Variants in TVP23B observed in about 807,000 individuals in gnomAD.
TVP23B encodes Golgi apparatus membrane protein TVP23 homolog B.
In TVP23B, 10 loss-of-function variants were observed where a neutral mutation model predicts 30.6. The ratio of observed to expected loss-of-function variants is 0.33; its 90% CI spans 0.20 to 0.55. TVP23B has a LOEUF of 0.55. TVP23B is among the 20% of genes least tolerant of loss of function. The pLI is 0.91. For missense variants in TVP23B, 153 were observed against 243.2 expected (o/e 0.63, Z 2.47); for synonymous variants, 67 against 83.1 (o/e 0.81, Z 1.06).
intron 2 of TVP23B, among the ~76,000 whole-genome samples, chr17:18,790,463 CAAAA>C (rs1465361992): frequency 4.1e-5 from 1 of 24,586 alleles, no homozygotes; most frequent in Non-Finnish European, 8.0e-5. Flanking sequence ...GACTCCGTCT[CAAAA>C]AAAAAAAAAA....
chr17:18,783,600 C>T (rs965492801), intron 1 of TVP23B, among the ~76,000 whole-genome samples: 3 of 152,144 alleles, frequency 2.0e-5, no homozygotes, highest in African/African-American at 7.2e-5. Flanking sequence ...AAATGGAAGC[C>T]GTCGGAAGAC....
intron 1 of TVP23B, among the ~76,000 whole-genome samples, chr17:18,784,449 AT>A (rs1403491670): frequency 6.6e-6 from 1 of 152,122 alleles, no homozygotes; most frequent in Non-Finnish European, 1.5e-5. Context: ...GATGGAGACC[AT>A]CCTGGCCAAC....
chr17:18,797,910 G>A (rs1437337447), intron 4 of TVP23B, among the ~76,000 whole-genome samples: 3 of 152,046 alleles, frequency 2.0e-5, no homozygotes, highest in Non-Finnish European at 4.4e-5. Flanking sequence ...TTCATACAGT[G>A]TGCTAAGCTG....
chr17:18,793,745 A>G (rs1288906123), intron 3 of TVP23B, among the ~76,000 whole-genome samples: 2 of 152,076 alleles, frequency 1.3e-5, no homozygotes, highest in Non-Finnish European at 2.9e-5. Flanking sequence ...TTAAATCAGA[A>G]AGTACATGTA....
chr17:18,786,607 A>G (rs1462808817), intron 1 of TVP23B, among the ~76,000 whole-genome samples: 1 of 152,240 alleles, frequency 6.6e-6, no homozygotes, highest in Admixed American at 6.5e-5. Context: ...CAAAGCAATT[A>G]TATCTGAACC....
intron 3 of TVP23B, among the ~76,000 whole-genome samples, chr17:18,792,336 A>G (rs905901604): frequency 6.6e-5 from 10 of 152,140 alleles, no homozygotes; most frequent in Admixed American, 6.6e-4. Flanking sequence ...GCGCCTGGCC[A>G]TCTTTTAATT....
Position 18,783,096 on chromosome 17 carries a change from G to C in TVP23B, c.12+1791G>C, listed in dbSNP as rs112465970. 2.7e-3 allele frequency among the ~76,000 whole-genome samples: 195 copies of C among 71,312 alleles called. 7 individuals are homozygous for C. The highest frequency in any genetic ancestry group is 5.7e-3 in the Admixed American group (40 of 7,064). 46.8% of individuals were successfully genotyped at this position (71,312 alleles called of 152,430 possible). A position where few individuals can be genotyped will look rare whatever the true frequency, so the allele number is the denominator to read the frequency against. Reference sequence around the variant, plus strand: ...CCCACTATTTATTTATTTATTGATTGATTGATTGATTCATTCATTCATTTA... The same window carrying C: ...CCCACTATTTATTTATTTATTGATTCATTGATTGATTCATTCATTCATTTA... On this transcript the variant is annotated intron_variant, in intron 1 of 6. Transcript: ENST00000307767.
intron 3 of TVP23B, among the ~76,000 whole-genome samples, chr17:18,793,857 G>A (rs1567634586): frequency 6.6e-6 from 1 of 152,016 alleles, no homozygotes; most frequent in Non-Finnish European, 1.5e-5. Flanking sequence ...AGAAATCAAA[G>A]TCCAAACAAA....
chr17:18,803,879 T>C (rs1350893910), intron 5 of TVP23B, among the ~76,000 whole-genome samples: 2 of 152,086 alleles, frequency 1.3e-5, no homozygotes. Context: ...CCCCAGCAGC[T>C]AGCATGATGC....
chr17:18,796,085 G>T (rs9900052), intron 3 of TVP23B: 2 of 147,012 alleles, frequency 1.4e-5, no homozygotes, highest in South Asian at 4.3e-4. Context: ...AGTGGTGAGC[G>T]TAAACAATAT....
Position 18,805,761 on chromosome 17 carries a change from G to A in TVP23B, c.*194G>A. 1 of 1,429,758 alleles carries A rather than the reference G, an allele frequency of 7.0e-7. No homozygotes were observed. 88.6% of individuals were successfully genotyped at this position (1,429,758 alleles called of 1,614,324 possible). ...CCTTTCCAGCAGTTGGGGCTAGAAA[G>A]TATGTGTTGGCACTAGAAACATTGT... On this transcript the variant is annotated 3_prime_UTR_variant, in exon 7 of 7. Coordinates refer to ENST00000307767, the MANE Select transcript of TVP23B (RefSeq NM_016078.6).
At chr17:18,788,646 G>A (rs149671240) in intron 1 of TVP23B, among the ~76,000 whole-genome samples, 262 of 151,544 alleles carry the variant, frequency 1.7e-3, no homozygotes, top group African/African-American at 6.2e-3. Context: ...GCTGGGTGTG[G>A]TGGCACACGC....
At position 18,806,079 on chromosome 17, in the gene TVP23B, G is replaced by T; in HGVS notation, c.*512G>T. On this transcript the variant is annotated 3_prime_UTR_variant, in exon 7 of 7. Coordinates refer to ENST00000307767, the MANE Select transcript of TVP23B (RefSeq NM_016078.6). ...TGTTAGTTTTTAATATGCACTTCGT[G>T]GGGAAATTTCTTAGACGTATGCAAG... is the stretch of plus-strand genomic sequence containing the variant. 1.0e-6 allele frequency: 1 copy of T among 980,078 alleles called. No individual in the cohort carries two copies. Among genetic ancestry groups the T allele is most frequent in the Non-Finnish European group, 1.2e-6 (1 of 825,076 alleles). 60.7% of individuals were successfully genotyped at this position (980,078 alleles called of 1,614,324 possible).
chr17:18,796,214 G>T (rs2036073762), intron 3 of TVP23B: 1 of 152,000 alleles, frequency 6.6e-6, no homozygotes, highest in Non-Finnish European at 1.5e-5. Context: ...ATAATTTAAT[G>T]ATATGCTAAC....
intron 4 of TVP23B, among the ~76,000 whole-genome samples, chr17:18,798,401 T>C (rs1365817755): frequency 6.7e-6 from 1 of 148,632 alleles, no homozygotes; most frequent in Non-Finnish European, 1.5e-5. Context: ...AATCCCTTGA[T>C]TCCGTTTTTT....
At position 18,806,269 on chromosome 17, in the gene TVP23B, C is replaced by T; in HGVS notation, c.*702C>T. 4 of 970,036 alleles carry T rather than the reference C, an allele frequency of 4.1e-6. No homozygotes were observed. Among genetic ancestry groups the T allele is most frequent in the Non-Finnish European group, 4.9e-6 (4 of 815,850 alleles). The allele number at this position is 970,036 out of a possible 1,614,324, so 60.1% of individuals were successfully genotyped here. ...TCTATTTATTTTACAGAAAGGATAG[C>T]TAGATTGAAAGCTCTTCAGTGGACC... On this transcript the variant is annotated 3_prime_UTR_variant, in exon 7 of 7. Transcript: ENST00000307767.
chr17:18,781,405 A>T (rs2035805364), intron 1 of TVP23B, 100 bp downstream of exon 1: 16 of 1,524,684 alleles, frequency 1.0e-5, no homozygotes, highest in Non-Finnish European at 1.4e-5. Context: ...CGCTACTCGA[A>T]CTCGAGGAGG....
At chr17:18,797,806 C>T in intron 4 of TVP23B, 138 bp downstream of exon 4, 1 of 945,182 alleles carries the variant, frequency 1.1e-6, no homozygotes, top group Non-Finnish European at 1.6e-6. Context: ...AAGGAGATGG[C>T]CTTCTAGAAT....
intron 5 of TVP23B, among the ~76,000 whole-genome samples, chr17:18,802,469 A>G (rs943967824): frequency 5.3e-5 from 8 of 151,608 alleles, no homozygotes; most frequent in African/African-American, 1.9e-4. Flanking sequence ...TTCTGCTGTC[A>G]TGGCTGTTTC....
Sources: allele counts gnomAD v4.1 joint callset (sites outside exome capture counted in the v4.1 genomes callset), GRCh38; gene constraint gnomAD v4.1.1; transcripts MANE v1.5; gene names NCBI Gene and HGNC (gene_info 2026-07-23, HGNC 2026-07-21).